Variants in LINGO2 observed in about 807,000 individuals in gnomAD.
LINGO2 encodes the protein leucine-rich repeat and immunoglobulin-like domain-containing nogo receptor-interacting protein 2.
In LINGO2, 14 loss-of-function variants were observed where a neutral mutation model predicts 30.6. The observed-to-expected ratio is 0.46, with a 90% CI of 0.30 to 0.72. The LOEUF (loss-of-function observed/expected upper bound fraction) is 0.72. Ranked by LOEUF, LINGO2 falls within the 30% of genes least tolerant of loss-of-function variation. LINGO2 has a pLI of 0.07. For synonymous variants in LINGO2, 317 were observed against 288.5 expected, an observed-to-expected ratio of 1.10 and a Z score of -1.00; for missense variants, 729 against 751.7, an observed-to-expected ratio of 0.97 and a Z score of 0.35.
chr9:28,558,625 C>G (rs1013283223), intron 1 of LINGO2, among the ~76,000 whole-genome samples: 1 of 152,066 alleles, frequency 6.6e-6, no homozygotes, highest in Non-Finnish European at 1.5e-5. Flanking sequence ...ATAATTTCAT[C>G]TCTTTTGGCA....
At chr9:28,611,382 G>A (rs1351462968) in intron 1 of LINGO2, among the ~76,000 whole-genome samples, 2 of 151,572 alleles carry the variant, frequency 1.3e-5, no homozygotes, top group African/African-American at 2.4e-5. Flanking sequence ...AGATGTGAGA[G>A]CATTAAATGT....
At chr9:28,288,414 T>G (rs1161635197) in intron 4 of LINGO2, among the ~76,000 whole-genome samples, 1 of 152,200 alleles carries the variant, frequency 6.6e-6, no homozygotes, top group East Asian at 1.9e-4. Context: ...CTTCATGCTT[T>G]TTAATATTTC....
chr9:28,037,009 C>G (rs1823969115), intron 4 of LINGO2, among the ~76,000 whole-genome samples: 1 of 152,200 alleles, frequency 6.6e-6, no homozygotes. Flanking sequence ...ATTAAGGGCT[C>G]TGCACACATC....
chr9:28,151,235 AATAACTATAATTCATTAT>A (rs1453540510), intron 4 of LINGO2, among the ~76,000 whole-genome samples: 8 of 152,128 alleles, frequency 5.3e-5, no homozygotes, highest in Non-Finnish European at 1.2e-4. Flanking sequence ...TTAGGAAATC[AATAACTATAATTCATTAT>A]AGTAAGAGAT....
intron 1 of LINGO2, among the ~76,000 whole-genome samples, chr9:28,635,773 C>G (rs2135905540): frequency 6.6e-6 from 1 of 152,036 alleles, no homozygotes; most frequent in South Asian, 2.1e-4. Flanking sequence ...TAATATGATC[C>G]AATTCAGATG....
the LINGO2 span, among the ~76,000 whole-genome samples, chr9:29,080,125 T>C: frequency 4.6e-5 from 7 of 152,124 alleles, no homozygotes; most frequent in African/African-American, 1.7e-4. Flanking sequence ...TTTCAGACCC[T>C]GTTTTTGGTC....
intron 1 of LINGO2, among the ~76,000 whole-genome samples, chr9:28,654,297 A>G (rs1248570979): frequency 6.6e-6 from 1 of 152,160 alleles, no homozygotes; most frequent in Non-Finnish European, 1.5e-5. Flanking sequence ...TGTACTAAGA[A>G]AGCAAGCAAA....
intron 3 of LINGO2, among the ~76,000 whole-genome samples, chr9:28,317,594 T>C (rs1459803927): frequency 6.6e-6 from 1 of 152,124 alleles, no homozygotes; most frequent in Admixed American, 6.5e-5. Flanking sequence ...AACTTGAATA[T>C]TGTGAGGATG....
downstream of LINGO2, among the ~76,000 whole-genome samples, chr9:27,946,890 T>C (rs17500295): frequency 0.46 from 70,530 of 151,982 alleles, 19,299 homozygotes; most frequent in East Asian, 0.6. Flanking sequence ...TGTTGCTATC[T>C]GATTGGCAAA....
chr9:29,140,172 A>G, the LINGO2 span, among the ~76,000 whole-genome samples: 1 of 151,984 alleles, frequency 6.6e-6, no homozygotes, highest in Non-Finnish European at 1.5e-5. Context: ...GTAACATGTC[A>G]CACAAAGAAA....
the LINGO2 span, among the ~76,000 whole-genome samples, chr9:28,789,870 G>A: frequency 6.6e-6 from 1 of 151,868 alleles, no homozygotes; most frequent in Admixed American, 6.6e-5. Context: ...CCTTTTACTC[G>A]CAGTAATTAC....
At chr9:28,684,590 T>G in the LINGO2 span, among the ~76,000 whole-genome samples, 1 of 148,224 alleles carries the variant, frequency 6.7e-6, no homozygotes, top group African/African-American at 2.5e-5. Flanking sequence ...GTTCAAGTGA[T>G]TCTCTGCAAC....
chr9:28,679,204 T>G, the LINGO2 span, among the ~76,000 whole-genome samples: 1 of 152,004 alleles, frequency 6.6e-6, no homozygotes, highest in African/African-American at 2.4e-5. Context: ...TTGATGACTT[T>G]CAGAAAAAAA....
In LINGO2 at chr9:28,089,535, T is replaced by C. The variant is rs555377107; in HGVS notation, c.-86-77130A>G. ...AACCAATGAGAACAAAGACACATCA[T>C]ACCAGAATCTCTGGGACACATTTAA... On this transcript the variant is annotated intron_variant, in intron 4 of 5. Transcript: ENST00000379992. 3.3e-5 allele frequency among the ~76,000 whole-genome samples: 5 copies of C among 152,284 alleles called. No individual in the cohort carries two copies. In the South Asian group the frequency reaches 1.0e-3, roughly 32 times the overall value.
the LINGO2 span, among the ~76,000 whole-genome samples, chr9:29,208,302 A>G: frequency 6.6e-6 from 1 of 152,070 alleles, no homozygotes; most frequent in African/African-American, 2.4e-5. Context: ...TTATTAAATG[A>G]TATTTTAACT....
intron 4 of LINGO2, among the ~76,000 whole-genome samples, chr9:28,078,046 T>TAAAAAATA (rs1825676223): frequency 6.7e-6 from 1 of 149,318 alleles, no homozygotes; most frequent in Non-Finnish European, 1.5e-5. Flanking sequence ...ACTTAAAGCT[T>TAAAAAATA]AACAAATAAA....
the LINGO2 span, among the ~76,000 whole-genome samples, chr9:28,725,408 G>C: frequency 3.3e-5 from 5 of 151,800 alleles, no homozygotes; most frequent in Non-Finnish European, 7.4e-5. Flanking sequence ...ACACAGATAG[G>C]ATTGAAGGTA....
the LINGO2 span, among the ~76,000 whole-genome samples, chr9:28,763,826 A>G: frequency 6.6e-6 from 1 of 151,796 alleles, no homozygotes; most frequent in Non-Finnish European, 1.5e-5. Context: ...AAATAAAATC[A>G]AAATGAAAAA....
chr9:28,883,018 CA>C, the LINGO2 span, among the ~76,000 whole-genome samples: 1 of 152,066 alleles, frequency 6.6e-6, no homozygotes, highest in African/African-American at 2.4e-5. Flanking sequence ...TGGCCTTCCC[CA>C]ATTCAAACAC....
Sources: gnomAD v4.1 joint callset for allele counts (sites outside exome capture counted in the v4.1 genomes callset) on GRCh38, gnomAD v4.1.1 for gene constraint, MANE v1.5 for transcripts, NCBI Gene and HGNC (gene_info 2026-07-23, HGNC 2026-07-21) for gene names.